CORO2B: variants seen among roughly 807,000 people sequenced by gnomAD.
CORO2B encodes the protein coronin 2B, also known as coronin-2B.
Under a neutral mutation model 58.8 loss-of-function variants are expected in CORO2B, and 26 were observed. The ratio of observed to expected loss-of-function variants is 0.44; its 90% CI spans 0.32 to 0.61. CORO2B has a LOEUF of 0.61. Ranked by LOEUF, CORO2B falls within the 20% of genes least tolerant of loss-of-function variation. The pLI is 0.04. For missense variants in CORO2B, 460 were observed against 645.1 expected, an observed-to-expected ratio of 0.71 and a Z score of 3.11; for synonymous variants, 242 against 253.8, an observed-to-expected ratio of 0.95 and a Z score of 0.44.
Position 68,579,017 on chromosome 15 carries a change from G to A in CORO2B, c.-246G>A, listed in dbSNP as rs1595948483. ...TCTTCCTGCCTCGCCTTCCTGCGGC[G>A]AAGGAGGCTCATCTATTATAAATGC... On this transcript the variant is annotated 5_prime_UTR_variant, in exon 1 of 12. Transcript: ENST00000261861. 1.0e-6 allele frequency: 1 copy of A among 984,406 alleles called. No individual in the cohort carries two copies. The highest frequency in any genetic ancestry group is 5.2e-4 in the Middle Eastern group (1 of 1,912). 61.0% of individuals were successfully genotyped at this position (984,406 alleles called of 1,614,324 possible). A position where few individuals can be genotyped will look rare whatever the true frequency, so the allele number is the denominator to read the frequency against.
At chr15:68,597,617 TC>T (rs369286922) in intron 1 of CORO2B, among the ~76,000 whole-genome samples, 2 of 139,146 alleles carry the variant, frequency 1.4e-5, no homozygotes, top group Non-Finnish European at 3.1e-5. Flanking sequence ...AATTTCTGTT[TC>T]CCCCCCATCA....
chr15:68,646,440 G>T (rs1901433145), intron 2 of CORO2B, among the ~76,000 whole-genome samples: 1 of 152,180 alleles, frequency 6.6e-6, no homozygotes, highest in Non-Finnish European at 1.5e-5. Context: ...CTGTCAGCTG[G>T]TGGTGGAGGA....
chr15:68,627,551 A>G (rs563124316), intron 1 of CORO2B, among the ~76,000 whole-genome samples: 18 of 152,264 alleles, frequency 1.2e-4, no homozygotes, highest in Middle Eastern at 3.4e-3. Context: ...CGTGCCTGGG[A>G]CAATAAGGAG....
intron 1 of CORO2B, among the ~76,000 whole-genome samples, chr15:68,610,826 C>T (rs544908895): frequency 5.9e-5 from 9 of 152,166 alleles, no homozygotes; most frequent in Non-Finnish European, 1.2e-4. Context: ...AGAGCATCAG[C>T]GTGGAAATGA....
rs566607568 is a variant in CORO2B at position 68,620,991 on chromosome 15, C to T, written c.16-24169C>T. 2.7e-4 allele frequency among the ~76,000 whole-genome samples: 41 copies of T among 152,362 alleles called. No homozygotes were observed. In the South Asian group the frequency reaches 7.7e-3, roughly 28 times the overall value. The stretch of plus-strand genomic sequence containing the variant: ...GGCCTATTATATGCTGCTCCGCTTC[C>T]GGGAAGCTATTACTTTCTGAAGGAG... On this transcript the variant is annotated intron_variant, in intron 1 of 11. Transcript: ENST00000261861.
At chr15:68,568,746 G>A in the CORO2B span, among the ~76,000 whole-genome samples, 1 of 152,076 alleles carries the variant, frequency 6.6e-6, no homozygotes, top group African/African-American at 2.4e-5. Flanking sequence ...ATAAAATTGA[G>A]CAGAAAATAC....
intron 2 of CORO2B, among the ~76,000 whole-genome samples, chr15:68,687,610 T>C (rs1368121083): frequency 1.3e-5 from 2 of 152,230 alleles, no homozygotes; most frequent in Non-Finnish European, 2.9e-5. Context: ...AACTATATAA[T>C]TTTATTTAAT....
chr15:68,525,268 C>T, the CORO2B span, among the ~76,000 whole-genome samples: 19 of 152,218 alleles, frequency 1.2e-4, no homozygotes, highest in South Asian at 2.1e-4. Context: ...TCAGGGGGGA[C>T]GGGGGACAGA....
chr15:68,632,246 G>T, intron 1 of CORO2B: 1 of 985,500 alleles, frequency 1.0e-6, no homozygotes. Flanking sequence ...CAGCCTTCAT[G>T]GTCTTAGCTG....
At chr15:68,653,419 G>T (rs1901703032) in intron 2 of CORO2B, among the ~76,000 whole-genome samples, 1 of 152,146 alleles carries the variant, frequency 6.6e-6, no homozygotes, top group African/African-American at 2.4e-5. Flanking sequence ...CAGCCAAGGG[G>T]CCATTGGGCT....
At chr15:68,658,245 T>TGGACCAGGGAGAGGGAACAGCTG (rs1487570362) in intron 2 of CORO2B, among the ~76,000 whole-genome samples, 2 of 152,388 alleles carry the variant, frequency 1.3e-5, no homozygotes, top group East Asian at 3.9e-4. Flanking sequence ...GTAGGAGCCC[T>TGGACCAGGGAGAGGGAACAGCTG]GGACCAGGGA....
At chr15:68,722,768 G>C (rs1007801070) in intron 11 of CORO2B, among the ~76,000 whole-genome samples, 2 of 152,184 alleles carry the variant, frequency 1.3e-5, no homozygotes, top group African/African-American at 2.4e-5. Context: ...TTTTAAGTTA[G>C]TTAAAGGAGG....
chr15:68,712,282 C>T (rs546744793), intron 5 of CORO2B, among the ~76,000 whole-genome samples: 38 of 152,272 alleles, frequency 2.5e-4, no homozygotes, highest in African/African-American at 8.9e-4. Flanking sequence ...TGAGGTTTGC[C>T]TTCTACACAA....
chr15:68,657,149 A>G (rs1050845383), intron 2 of CORO2B, among the ~76,000 whole-genome samples: 4 of 151,684 alleles, frequency 2.6e-5, no homozygotes, highest in African/African-American at 9.7e-5. Context: ...TTGGCAGTCT[A>G]GAAAAACCCA....
chr15:68,561,399 C>A, the CORO2B span, among the ~76,000 whole-genome samples: 3 of 152,136 alleles, frequency 2.0e-5, no homozygotes, highest in African/African-American at 7.2e-5. Context: ...CTCCCCTGCC[C>A]TCACCCCCAG....
chr15:68,540,601 CA>C, the CORO2B span, among the ~76,000 whole-genome samples: 1 of 152,246 alleles, frequency 6.6e-6, no homozygotes, highest in Non-Finnish European at 1.5e-5. Context: ...CTTTTGTATG[CA>C]GCAGAGCTGC....
At chr15:68,609,540 G>A (rs1331579351) in intron 1 of CORO2B, among the ~76,000 whole-genome samples, 4 of 152,178 alleles carry the variant, frequency 2.6e-5, no homozygotes, top group Non-Finnish European at 5.9e-5. Context: ...GAGCTCCAGG[G>A]CAGGGGCCTT....
At chr15:68,651,177 C>T (rs961289617) in intron 2 of CORO2B, among the ~76,000 whole-genome samples, 3 of 152,220 alleles carry the variant, frequency 2.0e-5, no homozygotes, top group African/African-American at 7.2e-5. Flanking sequence ...CTATGGGACG[C>T]AGGGTCCCGC....
At chr15:68,687,949 A>G (rs994799598) in intron 2 of CORO2B, among the ~76,000 whole-genome samples, 1 of 152,350 alleles carries the variant, frequency 6.6e-6, no homozygotes, top group Non-Finnish European at 1.5e-5. Context: ...ACACTGTAGC[A>G]TTGGAGACTA....
Sources: allele counts gnomAD v4.1 joint callset (sites outside exome capture counted in the v4.1 genomes callset), GRCh38; gene constraint gnomAD v4.1.1; transcripts MANE v1.5; gene names NCBI Gene and HGNC (gene_info 2026-07-23, HGNC 2026-07-21).